Variants in ACTR3C observed in about 807,000 individuals in gnomAD.
ACTR3C encodes the protein actin related protein 3C.
ACTR3C carries 18 observed loss-of-function variants against 26.3 expected under a neutral mutation model. The observed-to-expected ratio is 0.68, with a 90% CI of 0.47 to 1.01. ACTR3C has a LOEUF of 1.01. Ranked by LOEUF, ACTR3C falls within the 50% of genes least tolerant of loss-of-function variation. The pLI, the probability that ACTR3C is intolerant of heterozygous loss-of-function variation, is 0.00. For missense variants in ACTR3C, 184 were observed against 250.7 expected, an observed-to-expected ratio of 0.73 and a Z score of 1.80; for synonymous variants, 55 against 94.5, an observed-to-expected ratio of 0.58 and a Z score of 2.42.
chr7:150,069,667 A>G, the ACTR3C span, among the ~76,000 whole-genome samples: 59 of 152,184 alleles, frequency 3.9e-4, no homozygotes, highest in Middle Eastern at 3.4e-3. Context: ...AGTAACCAAC[A>G]TTTAGAGCTA....
chr7:150,172,971 G>A, the ACTR3C span, among the ~76,000 whole-genome samples: 5 of 148,856 alleles, frequency 3.4e-5, no homozygotes, highest in Middle Eastern at 3.2e-3. Flanking sequence ...CACTCCTGTC[G>A]CTTGGCAGGG....
chr7:150,002,839 C>A, the ACTR3C span: 1 of 152,190 alleles, frequency 6.6e-6, no homozygotes, highest in Non-Finnish European at 1.5e-5. Context: ...TTAAAGGAAA[C>A]ACCCTTGGCC....
the ACTR3C span, among the ~76,000 whole-genome samples, chr7:150,115,137 T>C: frequency 6.6e-6 from 1 of 152,242 alleles, no homozygotes; most frequent in African/African-American, 2.4e-5. Flanking sequence ...TTATTCAACG[T>C]CTACTAGAGT....
the ACTR3C span, among the ~76,000 whole-genome samples, chr7:149,920,223 C>T: frequency 5.4e-4 from 82 of 152,152 alleles, no homozygotes; most frequent in African/African-American, 1.9e-3. Flanking sequence ...GAGCTTTTGC[C>T]CATTTGCAAA....
chr7:150,035,135 T>A, the ACTR3C span, among the ~76,000 whole-genome samples: 2 of 122,626 alleles, frequency 1.6e-5, no homozygotes, highest in African/African-American at 3.1e-5. Context: ...CCTAAGGATC[T>A]TAGGATCAAC....
the ACTR3C span, among the ~76,000 whole-genome samples, chr7:150,140,397 T>G: frequency 5.0e-4 from 76 of 152,160 alleles, no homozygotes; most frequent in Non-Finnish European, 4.3e-4. Flanking sequence ...CTGGAGAGGA[T>G]TGACTCCAAT....
chr7:150,276,798 T>C (rs1834924144), intron 6 of ACTR3C, among the ~76,000 whole-genome samples: 1 of 152,208 alleles, frequency 6.6e-6, no homozygotes, highest in Non-Finnish European at 1.5e-5. Context: ...CCTCATCCTG[T>C]GTGACCTCTC....
At chr7:150,213,436 A>C in the ACTR3C span, among the ~76,000 whole-genome samples, 731 of 152,336 alleles carry the variant, frequency 4.8e-3, 7 homozygotes, top group African/African-American at 0.016. Flanking sequence ...AGACTTAGTG[A>C]AGGTCAATAA....
At chr7:150,056,220 G>A in the ACTR3C span, among the ~76,000 whole-genome samples, 1 of 152,118 alleles carries the variant, frequency 6.6e-6, no homozygotes, top group East Asian at 1.9e-4. Context: ...CTTAAATATG[G>A]AGAATGAAAC....
chr7:150,066,073 G>A, the ACTR3C span, among the ~76,000 whole-genome samples: 9 of 152,168 alleles, frequency 5.9e-5, no homozygotes, highest in African/African-American at 2.2e-4. Context: ...AGTCATGCTT[G>A]TCGAGCTCCA....
At chr7:150,008,524 G>A in the ACTR3C span, among the ~76,000 whole-genome samples, 4 of 152,212 alleles carry the variant, frequency 2.6e-5, no homozygotes, top group African/African-American at 9.7e-5. Context: ...GTATCAGAGA[G>A]CACAGACCCG....
At chr7:150,171,154 C>T in the ACTR3C span, among the ~76,000 whole-genome samples, 4 of 137,078 alleles carry the variant, frequency 2.9e-5, no homozygotes, top group Non-Finnish European at 6.0e-5. Flanking sequence ...CAGCCAACAG[C>T]AGGAGAGCAC....
the ACTR3C span, among the ~76,000 whole-genome samples, chr7:150,177,321 A>G: frequency 0.051 from 7,709 of 150,576 alleles, 1,234 homozygotes; most frequent in African/African-American, 0.18. Flanking sequence ...CAAATTCTCT[A>G]GATGCTCCTG....
the ACTR3C span, among the ~76,000 whole-genome samples, chr7:150,033,103 G>A: frequency 6.6e-6 from 1 of 152,146 alleles, no homozygotes; most frequent in Admixed American, 6.5e-5. Flanking sequence ...CACATTGTCA[G>A]CCTGAACGGG....
the ACTR3C span, among the ~76,000 whole-genome samples, chr7:150,098,295 C>A: frequency 6.6e-6 from 1 of 151,534 alleles, no homozygotes; most frequent in South Asian, 2.1e-4. Flanking sequence ...ACCTTTCTGG[C>A]AATGTAGCAG....
chr7:150,049,436 C>T, the ACTR3C span, among the ~76,000 whole-genome samples: 3 of 152,362 alleles, frequency 2.0e-5, no homozygotes, highest in South Asian at 2.1e-4. Context: ...CCCATTCCGC[C>T]GCCTCCTTCC....
At chr7:149,993,085 T>C in the ACTR3C span, among the ~76,000 whole-genome samples, 1 of 150,674 alleles carries the variant, frequency 6.6e-6, no homozygotes, top group African/African-American at 2.4e-5. Flanking sequence ...TCTTACCTTC[T>C]TCTGCCTGCT....
At chr7:150,136,316 G>A in the ACTR3C span, among the ~76,000 whole-genome samples, 9 of 152,286 alleles carry the variant, frequency 5.9e-5, no homozygotes, top group South Asian at 2.1e-4. Context: ...TGAGACACAC[G>A]TTTTCCAGAA....
At chr7:150,234,640 C>T in the ACTR3C span, among the ~76,000 whole-genome samples, 7 of 152,250 alleles carry the variant, frequency 4.6e-5, no homozygotes, top group Non-Finnish European at 7.4e-5. Context: ...GTTTCTGCAC[C>T]GGGTAAACAG....
Sources: gnomAD v4.1 joint callset for allele counts (sites outside exome capture counted in the v4.1 genomes callset) on GRCh38, gnomAD v4.1.1 for gene constraint, MANE v1.5 for transcripts, NCBI Gene and HGNC (gene_info 2026-07-23, HGNC 2026-07-21) for gene names.